Variants in PTPRN2 observed in about 807,000 individuals in gnomAD.
The protein encoded by PTPRN2 is receptor-type tyrosine-protein phosphatase N2.
A neutral mutation model predicts 118.8 loss-of-function variants in PTPRN2; 74 were observed. The ratio of observed to expected loss-of-function variants is 0.62; its 90% confidence interval spans 0.52 to 0.76. PTPRN2 has a LOEUF of 0.76. Among genes scored for constraint, PTPRN2 ranks in the 30% least tolerant of loss-of-function variants. The pLI, the probability that PTPRN2 is intolerant of heterozygous loss-of-function variation, is 0.00. For synonymous variants in PTPRN2, 641 were observed against 608.0 expected (o/e 1.05, Z -0.80); for missense variants, 1,481 against 1,394.4 (o/e 1.06, Z -0.99).
rs116222018 is a variant in PTPRN2 at position 157,883,769 on chromosome 7, G to A, written c.1788+14904C>T. 2.9e-3 allele frequency among the ~76,000 whole-genome samples: 386 copies of A among 133,072 alleles called. 3 individuals are homozygous for A. Among genetic ancestry groups the A allele is most frequent in the African/African-American group, 0.011 (358 of 32,888 alleles). 87.3% of individuals were successfully genotyped at this position (133,072 alleles called of 152,430 possible). On this transcript the variant is annotated intron_variant, in intron 12 of 22. Transcript: ENST00000389418. Reference sequence around the variant, plus strand: ...ACCCCAAAAATGACTGTCAGAGATCGGAACGCACCACCCAAAAAATGACTG... The same window carrying A: ...ACCCCAAAAATGACTGTCAGAGATCAGAACGCACCACCCAAAAAATGACTG...
rs187334135 is a variant in PTPRN2 at position 158,297,685 on chromosome 7, G to A, written c.277+19134C>T. Among the ~76,000 whole-genome samples, 24 of 152,316 alleles carry A rather than the reference G, an allele frequency of 1.6e-4. No individual in the cohort carries two copies. The East Asian group carries it at 4.2e-3, about 27-fold the overall frequency. Reference sequence around the variant, plus strand: ...TAAAACAGAGAATGGCCAATGTTTAGAGGTTAAGAGTGCTACAGGTGCACA... The same window carrying A: ...TAAAACAGAGAATGGCCAATGTTTAAAGGTTAAGAGTGCTACAGGTGCACA... On this transcript the variant is annotated intron_variant, in intron 3 of 22. Coordinates refer to ENST00000389418, the MANE Select transcript of PTPRN2 (RefSeq NM_002847.5).
intron 3 of PTPRN2, among the ~76,000 whole-genome samples, chr7:158,316,332 G>A (rs963879632): frequency 1.9e-4 from 29 of 152,246 alleles, no homozygotes; most frequent in Non-Finnish European, 4.1e-4. Context: ...GCGCAGCAGT[G>A]GGCCGGTGCT....
intron 17 of PTPRN2, among the ~76,000 whole-genome samples, chr7:157,581,745 T>C (rs1257771180): frequency 6.6e-6 from 1 of 152,238 alleles, no homozygotes; most frequent in Non-Finnish European, 1.5e-5. Flanking sequence ...CCCCACAGCT[T>C]ATATTGACGT....
chr7:157,772,444 G>A (rs925701586), intron 12 of PTPRN2, among the ~76,000 whole-genome samples: 1 of 152,170 alleles, frequency 6.6e-6, no homozygotes, highest in Non-Finnish European at 1.5e-5. Context: ...GCCCTGGCCC[G>A]CAGACCATGG....
At chr7:157,910,494 A>C (rs1798038460) in intron 11 of PTPRN2, among the ~76,000 whole-genome samples, 1 of 151,246 alleles carries the variant, frequency 6.6e-6, no homozygotes, top group Non-Finnish European at 1.5e-5. Context: ...GTCCAGGATC[A>C]CGCATGTACG....
rs574274346 is a variant in PTPRN2 at position 158,101,241 on chromosome 7, T to C, written c.1643+9588A>G. ...TCAACTACTTAACAGCCAACTGATC[T>C]TCGATAAAGCAAACAAAAACAAAGT... is the stretch of plus-strand genomic sequence containing the variant. On this transcript the variant is annotated intron_variant, in intron 10 of 22. Coordinates refer to ENST00000389418, the MANE Select transcript of PTPRN2 (RefSeq NM_002847.5). 2.6e-5 allele frequency among the ~76,000 whole-genome samples: 4 copies of C among 152,292 alleles called. No individual in the cohort carries two copies. In the East Asian group the frequency reaches 5.8e-4, roughly 22 times the overall value.
rs117660398 is a variant in PTPRN2 at position 158,316,053 on chromosome 7, C to T, written c.277+766G>A. ...AGTCCCCAGTCAGCCACCACAAAGA[C>T]CATCCCTGAGTCCCCAACATGACAT... On this transcript the variant is annotated intron_variant, in intron 3 of 22. Transcript: ENST00000389418. 2.8e-4 allele frequency among the ~76,000 whole-genome samples: 43 copies of T among 152,340 alleles called. No homozygotes were observed. The East Asian group carries it at 6.2e-3, about 22-fold the overall frequency.
intron 11 of PTPRN2, among the ~76,000 whole-genome samples, chr7:157,960,228 A>G (rs1585091511): frequency 6.6e-6 from 1 of 152,226 alleles, no homozygotes; most frequent in East Asian, 1.9e-4. Context: ...GTTTGAGAAA[A>G]TGAACAAGTT....
chr7:157,873,344 C>G (rs1489322277), intron 12 of PTPRN2, among the ~76,000 whole-genome samples: 1 of 152,264 alleles, frequency 6.6e-6, no homozygotes. Context: ...ATGGGATACG[C>G]TTCCCAGTTT....
At chr7:158,372,352 C>G (rs1810104782) in intron 2 of PTPRN2, among the ~76,000 whole-genome samples, 1 of 148,138 alleles carries the variant, frequency 6.8e-6, no homozygotes, top group Non-Finnish European at 1.5e-5. Flanking sequence ...GTCCCTGGAG[C>G]TGGACACCCC....
At chr7:158,031,761 TA>T (rs1186829341) in intron 11 of PTPRN2, among the ~76,000 whole-genome samples, 1 of 152,124 alleles carries the variant, frequency 6.6e-6, no homozygotes, top group Non-Finnish European at 1.5e-5. Context: ...AGCTGGTAAA[TA>T]AAGTGACAGA....
chr7:158,085,608 A>T (rs1813308409), intron 10 of PTPRN2, among the ~76,000 whole-genome samples: 1 of 100,718 alleles, frequency 9.9e-6, no homozygotes, highest in African/African-American at 4.0e-5. Context: ...ATCCACACCC[A>T]CGACGCCCAT....
intron 3 of PTPRN2, among the ~76,000 whole-genome samples, chr7:158,311,796 T>A (rs990918485): frequency 6.6e-6 from 1 of 152,204 alleles, no homozygotes; most frequent in African/African-American, 2.4e-5. Context: ...AAAACCTGCA[T>A]ATGAACATGC....
rs1013058258 is a variant in PTPRN2 at position 158,438,595 on chromosome 7, G to A, written c.163+51140C>T. On this transcript the variant is annotated intron_variant, in intron 2 of 22. Coordinates refer to ENST00000389418, the MANE Select transcript of PTPRN2 (RefSeq NM_002847.5). This position sits in a 1 kb window ranked among gnomAD's most constrained non-coding sequence, Gnocchi z 4.7. ...TTGTTCCCCACAGGAAATCTGATCC[G>A]ATGCAAACAGATCATTATAGCCAAG... 2.6e-5 allele frequency among the ~76,000 whole-genome samples: 4 copies of A among 152,100 alleles called. No homozygotes were observed. The highest frequency in any genetic ancestry group is 2.1e-4 in the South Asian group (1 of 4,816).
At chr7:157,769,408 G>T (rs1802671548) in intron 12 of PTPRN2, among the ~76,000 whole-genome samples, 1 of 152,168 alleles carries the variant, frequency 6.6e-6, no homozygotes, top group Non-Finnish European at 1.5e-5. Context: ...TGTCGGGGGG[G>T]CAGTTAAGGA....
At chr7:158,426,312 G>GCT (rs1815749191) in intron 2 of PTPRN2, among the ~76,000 whole-genome samples, 1 of 3,692 alleles carries the variant, frequency 2.7e-4, no homozygotes. Context: ...GAAAGACGCA[G>GCT]AGTCCGAGAC....
chr7:158,366,082 C>G (rs998108925), intron 2 of PTPRN2, among the ~76,000 whole-genome samples: 1 of 144,512 alleles, frequency 6.9e-6, no homozygotes. Flanking sequence ...CACACACACA[C>G]GCACACACAC....
intron 3 of PTPRN2, among the ~76,000 whole-genome samples, chr7:158,224,349 T>G (rs1467777114): frequency 6.6e-5 from 10 of 152,172 alleles, no homozygotes. Flanking sequence ...ATTTCAAGTC[T>G]TATATAGGTA....
intron 1 of PTPRN2, 56 bp from the exon 2 acceptor site, chr7:158,489,841 C>A: frequency 6.7e-7 from 1 of 1,490,704 alleles, no homozygotes. Flanking sequence ...GGGGGTGCCC[C>A]CGAGGCTGCC....
Sources: allele counts gnomAD v4.1 joint callset (sites outside exome capture counted in the v4.1 genomes callset), GRCh38; gene constraint gnomAD v4.1.1; non-coding constraint Gnocchi (gnomAD v3.1); transcripts MANE v1.5; gene names NCBI Gene and HGNC (gene_info 2026-07-23, HGNC 2026-07-21).